The following ZNF277 variants were observed in gnomAD, a reference collection of about 807,000 sequenced individuals.
ZNF277 encodes the protein nuclear receptor-interacting factor 4.
A neutral mutation model predicts 60.7 loss-of-function variants in ZNF277; 55 were observed. The ratio of observed to expected loss-of-function variants is 0.91; its 90% confidence interval spans 0.73 to 1.13. ZNF277 has a LOEUF of 1.13. Ranked by LOEUF, ZNF277 falls within the 50% of genes most tolerant of loss-of-function variation. ZNF277 has a pLI of 0.00. For synonymous variants in ZNF277, 178 were observed against 179.3 expected (o/e 0.99, Z 0.06); for missense variants, 510 against 523.0 (o/e 0.98, Z 0.24).
chr7:112,208,530 C>T (rs7810636), intron 1 of ZNF277, among the ~76,000 whole-genome samples: 119,881 of 151,288 alleles, frequency 0.79, 47,638 homozygotes, highest in Middle Eastern at 0.85. Flanking sequence ...CACCTCACAG[C>T]ACCACTCCCC....
rs1019223266 is a variant in ZNF277 at position 112,293,413 on chromosome 7, C to CA, written c.294-2448dup. 2.1e-4 allele frequency among the ~76,000 whole-genome samples: 32 copies of CA among 151,222 alleles called. No homozygotes were observed. In the East Asian group the frequency reaches 4.5e-3, roughly 21 times the overall value. ...GCAACATGGCAAAACCCCATCTCTA[C>CA]AAAAAAAATAGGAAAATTAGTTGGG... On this transcript the variant is annotated intron_variant, in intron 2 of 11. Transcript: ENST00000361822.
At chr7:112,274,477 T>C (rs1791748442) in intron 1 of ZNF277, among the ~76,000 whole-genome samples, 1 of 152,276 alleles carries the variant, frequency 6.6e-6, no homozygotes, top group African/African-American at 2.4e-5. Flanking sequence ...TTTATAGGCC[T>C]AAAAAGAATC....
chr7:112,310,145 C>T (rs1792687953), intron 4 of ZNF277, among the ~76,000 whole-genome samples: 1 of 152,030 alleles, frequency 6.6e-6, no homozygotes, highest in African/African-American at 2.4e-5. Context: ...CCTCCCTTCC[C>T]AGGAGATGAG....
intron 1 of ZNF277, among the ~76,000 whole-genome samples, chr7:112,238,744 A>G (rs536440232): frequency 6.6e-6 from 1 of 151,888 alleles, no homozygotes; most frequent in African/African-American, 2.4e-5. Flanking sequence ...CACCATGCTG[A>G]GTCCTAAAGC....
chr7:112,250,379 T>C (rs1791177026), intron 1 of ZNF277, among the ~76,000 whole-genome samples: 1 of 152,220 alleles, frequency 6.6e-6, no homozygotes, highest in South Asian at 2.1e-4. Flanking sequence ...CCTGTGGTCC[T>C]GTGATCTCGC....
intron 1 of ZNF277, among the ~76,000 whole-genome samples, chr7:112,272,668 A>AT (rs1290191107): frequency 6.6e-6 from 1 of 151,988 alleles, no homozygotes; most frequent in Non-Finnish European, 1.5e-5. Flanking sequence ...TAATTTTTGT[A>AT]TTTTTAGTAG....
chr7:112,319,069 C>T (rs1792915766), intron 5 of ZNF277, among the ~76,000 whole-genome samples: 1 of 152,030 alleles, frequency 6.6e-6, no homozygotes, highest in South Asian at 2.1e-4. Flanking sequence ...CTGTCACCTT[C>T]CTAGCACATT....
At chr7:112,268,298 T>G (rs1791593817) in intron 1 of ZNF277, among the ~76,000 whole-genome samples, 1 of 151,818 alleles carries the variant, frequency 6.6e-6, no homozygotes, top group African/African-American at 2.4e-5. Flanking sequence ...CACAGCTTAG[T>G]GACTGAGTAT....
intron 1 of ZNF277, among the ~76,000 whole-genome samples, chr7:112,262,234 T>TA (rs1328117661): frequency 1.8e-5 from 1 of 54,932 alleles, no homozygotes; most frequent in Admixed American, 2.0e-4. Context: ...CTGAGACATT[T>TA]AAAAAAGCAA....
chr7:112,250,473 C>A (rs1005340277), intron 1 of ZNF277, among the ~76,000 whole-genome samples: 1 of 152,170 alleles, frequency 6.6e-6, no homozygotes, highest in Non-Finnish European at 1.5e-5. Flanking sequence ...ACACTCCCTC[C>A]CTTTTTGAAA....
At chr7:112,243,662 A>G (rs964762043) in intron 1 of ZNF277, among the ~76,000 whole-genome samples, 6 of 152,120 alleles carry the variant, frequency 3.9e-5, no homozygotes, top group African/African-American at 7.2e-5. Flanking sequence ...CTATAGTTAA[A>G]AAGTCAAAAA....
At chr7:112,234,474 C>T (rs1822432218) in intron 1 of ZNF277, among the ~76,000 whole-genome samples, 1 of 152,168 alleles carries the variant, frequency 6.6e-6, no homozygotes, top group African/African-American at 2.4e-5. Flanking sequence ...TTCATGAAAG[C>T]TCCATCCTCA....
rs766286418 is a variant in ZNF277, at chr7:112,206,740, G to A, written c.24G>A (p.Gly8=). 1.9e-6 allele frequency: 3 copies of A among 1,613,212 alleles called. No individual in the cohort carries two copies. In the African/African-American group the frequency reaches 4.0e-5, roughly 22 times the overall value. Residue 8 remains glycine (G), a synonymous_variant, in exon 1 of 12, where the codon GGG becomes GGA. Transcript: ENST00000361822. MAASKTQ[G]AVARMQEDRD... is the part of the protein sequence containing the mutation. ...TAATGGCTGCTTCCAAGACCCAGGG[G>A]GCTGTCGCCCGAATGCAGGAAGACC...
chr7:112,312,098 C>A (rs1434722243), intron 4 of ZNF277, among the ~76,000 whole-genome samples: 2 of 152,136 alleles, frequency 1.3e-5, no homozygotes, highest in Non-Finnish European at 2.9e-5. Flanking sequence ...TAAAACATTT[C>A]TGCCTTCAGT....
intron 5 of ZNF277, among the ~76,000 whole-genome samples, chr7:112,325,158 T>C (rs1793066937): frequency 6.6e-6 from 1 of 152,210 alleles, no homozygotes. Context: ...CAGCCCCTTC[T>C]TGAGCCTGCT....
chr7:112,304,702 T>A (rs977386146), intron 4 of ZNF277, among the ~76,000 whole-genome samples: 3 of 152,116 alleles, frequency 2.0e-5, no homozygotes, highest in Non-Finnish European at 4.4e-5. Context: ...GGGATTAAAA[T>A]GAAAATACCG....
At chr7:112,222,200 A>G (rs1397704652) in intron 1 of ZNF277, among the ~76,000 whole-genome samples, 2 of 152,234 alleles carry the variant, frequency 1.3e-5, no homozygotes, top group Non-Finnish European at 2.9e-5. Context: ...CAGACCTTGT[A>G]AAATGAGTTT....
chr7:112,269,830 T>G (rs2214434), intron 1 of ZNF277, among the ~76,000 whole-genome samples: 8,773 of 152,166 alleles, frequency 0.058, 674 homozygotes, highest in African/African-American at 0.18. Flanking sequence ...TATCAGACTT[T>G]GCCAGTAGAT....
At chr7:112,254,435 A>G (rs1791262526) in intron 1 of ZNF277, among the ~76,000 whole-genome samples, 1 of 152,218 alleles carries the variant, frequency 6.6e-6, no homozygotes, top group Non-Finnish European at 1.5e-5. Flanking sequence ...CAGGATAGGC[A>G]GTGCTGTAGT....
Sources: allele counts gnomAD v4.1 joint callset (sites outside exome capture counted in the v4.1 genomes callset), GRCh38; gene constraint gnomAD v4.1.1; transcripts MANE v1.5; gene names NCBI Gene and HGNC (gene_info 2026-07-23, HGNC 2026-07-21).